Variants in ADGRL2 observed in about 807,000 individuals in gnomAD.
ADGRL2 encodes the protein adhesion G protein-coupled receptor L2.
In ADGRL2, 44 loss-of-function variants were observed where a neutral mutation model predicts 157.4. The ratio of observed to expected loss-of-function variants is 0.28; its 90% CI spans 0.22 to 0.36. ADGRL2 has a LOEUF of 0.36. Among genes scored for constraint, ADGRL2 ranks in the 10% least tolerant of loss-of-function variants. ADGRL2 has a pLI of 1.00. For synonymous variants in ADGRL2, 585 were observed against 624.7 expected (o/e 0.94, Z 0.95); for missense variants, 1,510 against 1,768.9 (o/e 0.85, Z 2.63).
At chr1:81,394,876 CTTTTTTATTTATTTATTTAT>C (rs1469379108) in intron 1 of ADGRL2, among the ~76,000 whole-genome samples, 10 of 146,184 alleles carry the variant, frequency 6.8e-5, no homozygotes, top group Admixed American at 1.4e-4. Context: ...TTTTGTCTCT[CTTTTTTATTTATTTATTTAT>C]TTATTTATTT....
At chr1:81,975,638 A>G (rs1660005206) in intron 17 of ADGRL2, among the ~76,000 whole-genome samples, 1 of 149,448 alleles carries the variant, frequency 6.7e-6, no homozygotes, top group Non-Finnish European at 1.5e-5. Flanking sequence ...ACTTATTATA[A>G]TTGGTGGGGG....
In ADGRL2 at chr1:81,942,066, A is replaced by G. The variant is rs536636817; in HGVS notation, c.409+21A>G. The stretch of plus-strand genomic sequence containing the variant: ...AAAAGGTAAATAACATACAGTCTGA[A>G]CCCCAGCTCCCTGTTATGTGCCTTA... On this transcript the variant is annotated intron_variant, in intron 5 of 23. Coordinates refer to ENST00000686636, the MANE Select transcript of ADGRL2 (RefSeq NM_001366006.2). 10 of 765,748 alleles carry G rather than the reference A, an allele frequency of 1.3e-5. 1 individual carries two copies. In the South Asian group the frequency reaches 1.4e-4, roughly 11 times the overall value. 47.4% of individuals were successfully genotyped at this position (765,748 alleles called of 1,614,324 possible).
intron 2 of ADGRL2, among the ~76,000 whole-genome samples, chr1:81,790,338 T>C (rs1010647729): frequency 1.3e-5 from 2 of 152,100 alleles, no homozygotes; most frequent in Non-Finnish European, 2.9e-5. Flanking sequence ...CTTTGACAAT[T>C]TGTCTACATT....
At chr1:81,840,327 A>AT (rs1553166108) in intron 2 of ADGRL2, among the ~76,000 whole-genome samples, 1 of 152,054 alleles carries the variant, frequency 6.6e-6, no homozygotes, top group Non-Finnish European at 1.5e-5. Context: ...GCCATGGGTT[A>AT]TGCCTTTCCT....
chr1:81,876,213 G>A (rs2093837350), intron 2 of ADGRL2, among the ~76,000 whole-genome samples: 1 of 152,072 alleles, frequency 6.6e-6, no homozygotes, highest in Non-Finnish European at 1.5e-5. Context: ...GTCAAAAGTG[G>A]AATTAAGGTT....
intron 1 of ADGRL2, among the ~76,000 whole-genome samples, chr1:81,716,496 A>T (rs2084121580): frequency 6.6e-6 from 1 of 152,164 alleles, no homozygotes; most frequent in African/African-American, 2.4e-5. Context: ...ATTACATTTT[A>T]TTACTGCCAT....
intron 3 of ADGRL2, among the ~76,000 whole-genome samples, chr1:81,606,684 T>C (rs1284439638): frequency 6.6e-6 from 1 of 152,032 alleles, no homozygotes; most frequent in African/African-American, 2.4e-5. Flanking sequence ...TCCCTGTCTC[T>C]CACACACATA....
intron 2 of ADGRL2, among the ~76,000 whole-genome samples, chr1:81,550,872 G>A (rs2080129544): frequency 6.6e-6 from 1 of 151,936 alleles, no homozygotes; most frequent in African/African-American, 2.4e-5. Context: ...GATGATTAGT[G>A]TCCCAAGCCA....
chr1:81,386,251 A>G (rs111368760), intron 1 of ADGRL2, among the ~76,000 whole-genome samples: 2 of 152,278 alleles, frequency 1.3e-5, no homozygotes, highest in African/African-American at 4.8e-5. Context: ...AAAGGACCTA[A>G]TAGAATAAAC....
Position 81,924,703 on chromosome 1 carries a change from A to G in ADGRL2, c.288-12025A>G, listed in dbSNP as rs115724571. Among the ~76,000 whole-genome samples, 732 of 152,190 alleles carry G rather than the reference A, an allele frequency of 4.8e-3. 6 individuals are homozygous for G. Among genetic ancestry groups the G allele is most frequent in the African/African-American group, 0.017 (700 of 41,528 alleles). ...TCAGGTTGAGGGGTGATTGAGGTAT[A>G]TGGGAGGAGAGATCAAGTGGATTTT... On this transcript the variant is annotated intron_variant, in intron 3 of 23. Transcript: ENST00000686636.
chr1:81,397,376 A>G (rs2076674395), intron 1 of ADGRL2, among the ~76,000 whole-genome samples: 1 of 123,684 alleles, frequency 8.1e-6, no homozygotes, highest in Non-Finnish European at 1.6e-5. Context: ...GCTGGAGTGC[A>G]GCTGTGCAAT....
At chr1:81,715,859 T>C (rs1205231648) in intron 1 of ADGRL2, among the ~76,000 whole-genome samples, 1 of 152,148 alleles carries the variant, frequency 6.6e-6, no homozygotes, top group Admixed American at 6.5e-5. Context: ...TTATAATTAA[T>C]AGCTGAGGTT....
intron 3 of ADGRL2, among the ~76,000 whole-genome samples, chr1:81,679,242 T>G (rs762939964): frequency 6.6e-6 from 1 of 151,716 alleles, no homozygotes; most frequent in Non-Finnish European, 1.5e-5. Flanking sequence ...GGGAATAGGG[T>G]AGGAGGTCAG....
intron 3 of ADGRL2, among the ~76,000 whole-genome samples, chr1:81,600,075 A>T (rs1042612665): frequency 5.9e-5 from 9 of 152,248 alleles, no homozygotes; most frequent in Non-Finnish European, 8.8e-5. Context: ...TTGAGCGTTT[A>T]TTTTTCTGCT....
chr1:81,736,099 C>T (rs80102614), intron 1 of ADGRL2, among the ~76,000 whole-genome samples: 23 of 148,438 alleles, frequency 1.5e-4, no homozygotes, highest in East Asian at 6.0e-4. Context: ...ACCGAGATCA[C>T]GCCACTGCAG....
chr1:81,479,318 C>T lies in ADGRL2; in HGVS notation c.-248+34229C>T, dbSNP rs796985214. On this transcript the variant is annotated intron_variant, in intron 2 of 24. Coordinates refer to the ADGRL2 transcript ENST00000370721. The stretch of plus-strand genomic sequence containing the variant: ...CAAAACCCTGTCTCTACTAAAAATA[C>T]AAAAAAAAAAAAAAATTAGCTGGGT... 1.9e-4 allele frequency among the ~76,000 whole-genome samples: 20 copies of T among 106,906 alleles called. No individual in the cohort carries two copies. In the South Asian group the frequency reaches 5.6e-3, roughly 30 times the overall value. The allele number at this position is 106,906 out of a possible 152,430, so 70.1% of individuals were successfully genotyped here.
At chr1:81,650,717 T>A (rs1028506353) in intron 3 of ADGRL2, among the ~76,000 whole-genome samples, 3 of 152,182 alleles carry the variant, frequency 2.0e-5, no homozygotes, top group African/African-American at 7.2e-5. Flanking sequence ...ATATCTTGTA[T>A]TAGATTTTAA....
At chr1:81,914,123 A>T (rs1444263206) in intron 3 of ADGRL2, among the ~76,000 whole-genome samples, 2 of 152,082 alleles carry the variant, frequency 1.3e-5, no homozygotes, top group African/African-American at 2.4e-5. Context: ...GGCAGACTTC[A>T]TGATTATAGA....
intron 2 of ADGRL2, among the ~76,000 whole-genome samples, chr1:81,863,675 T>C (rs1432618888): frequency 6.6e-6 from 1 of 152,158 alleles, no homozygotes; most frequent in Non-Finnish European, 1.5e-5. Flanking sequence ...TTATGGCTAA[T>C]TAAGGGGTGA....
Sources: allele counts gnomAD v4.1 joint callset (sites outside exome capture counted in the v4.1 genomes callset), GRCh38; gene constraint gnomAD v4.1.1; transcripts MANE v1.5; gene names NCBI Gene and HGNC (gene_info 2026-07-23, HGNC 2026-07-21).